NUP214: variants seen among roughly 807,000 people sequenced by gnomAD.
The protein encoded by NUP214 is nucleoporin 214, also known as nuclear pore complex protein Nup214.
A neutral mutation model predicts 196.2 loss-of-function variants in NUP214; 79 were observed. The ratio of observed to expected loss-of-function variants is 0.40; its 90% confidence interval spans 0.34 to 0.49. The LOEUF (loss-of-function observed/expected upper bound fraction) is 0.49, where lower values mean the gene tolerates loss of function less well. NUP214 is among the 20% of genes least tolerant of loss of function. The pLI, the probability that NUP214 is intolerant of heterozygous loss-of-function variation, is 0.58. For synonymous variants in NUP214, 1,020 were observed against 990.5 expected (o/e 1.03, Z -0.56); for missense variants, 2,468 against 2,539.0 (o/e 0.97, Z 0.60).
chr9:131,129,034 A>C (rs528199924), intron 3 of NUP214, among the ~76,000 whole-genome samples: 1 of 152,316 alleles, frequency 6.6e-6, no homozygotes, highest in South Asian at 2.1e-4. Flanking sequence ...TTATTTTGCA[A>C]TTGTGCATTC....
chr9:131,194,168 C>CGTGTGTGTGT (rs555926078), intron 27 of NUP214: 13 of 142,816 alleles, frequency 9.1e-5, no homozygotes, highest in African/African-American at 3.4e-4. Flanking sequence ...TTGAACTTTG[C>CGTGTGTGTGT]GTGTGTGTGT....
intron 34 of NUP214, among the ~76,000 whole-genome samples, chr9:131,231,819 A>G (rs1053195877): frequency 6.6e-6 from 1 of 150,726 alleles, no homozygotes; most frequent in African/African-American, 2.4e-5. Flanking sequence ...AAGTGTTAGC[A>G]GTTAGCAGTA....
At chr9:131,185,429 TAA>T (rs1291590651) in intron 24 of NUP214, among the ~76,000 whole-genome samples, 1 of 152,244 alleles carries the variant, frequency 6.6e-6, no homozygotes, top group Non-Finnish European at 1.5e-5. Flanking sequence ...ACTCACTCAG[TAA>T]AGAGATGTCT....
At chr9:131,233,433 C>T (rs1834931863) in intron 35 of NUP214, 21 bp from the exon 36 acceptor site, 2 of 1,600,200 alleles carry the variant, frequency 1.2e-6, no homozygotes. Context: ...GACTCCACCA[C>T]TGTCCTGTGC....
In NUP214 at chr9:131,198,485, C is replaced by T. The variant is rs768553225; in HGVS notation, c.4991C>T (p.Thr1664Ile). ...GCTTTCAACCAGCTCACCAACAACA[C>T]AGCCACTGCCCCCTCTGCCACGCCC... ...SSAFNQLTNN[T>I]ATAPSATPVF... Residue 1664 changes from threonine to isoleucine, a missense_variant, in exon 29 of 36, where the codon ACA becomes ATA. Physicochemically the swap from Thr to Ile is moderately conservative, Grantham distance 89. Coordinates refer to ENST00000359428, the MANE Select transcript of NUP214 (RefSeq NM_005085.4). 2 of 1,614,264 alleles carry T rather than the reference C, an allele frequency of 1.2e-6. No homozygotes were observed. The highest frequency in any genetic ancestry group is 1.3e-5 in the African/African-American group (1 of 75,076).
chr9:131,126,735 A>T (rs1175894544), intron 1 of NUP214, among the ~76,000 whole-genome samples: 1 of 151,996 alleles, frequency 6.6e-6, no homozygotes, highest in Non-Finnish European at 1.5e-5. Context: ...CATTTGGTAG[A>T]GACTGGGTTT....
At chr9:131,141,164 GT>G (rs1245847079) in intron 11 of NUP214, among the ~76,000 whole-genome samples, 1 of 149,726 alleles carries the variant, frequency 6.7e-6, no homozygotes. Context: ...ACTATTCTTT[GT>G]GATCTTTTCT....
chr9:131,133,016 TCCA>T, intron 6 of NUP214, 87 bp from the exon 7 acceptor site: 1 of 930,328 alleles, frequency 1.1e-6, no homozygotes, highest in Admixed American at 2.1e-5. Flanking sequence ...TTTTTTTTTA[TCCA>T]TAGTGGCTAT....
intron 30 of NUP214, among the ~76,000 whole-genome samples, chr9:131,211,360 A>G (rs1390670593): frequency 1.3e-5 from 2 of 152,216 alleles, no homozygotes; most frequent in Non-Finnish European, 2.9e-5. Flanking sequence ...AAGGCCACAC[A>G]TTGAGATTGC....
intron 2 of NUP214, 114 bp from the exon 3 acceptor site, chr9:131,128,218 G>T: frequency 1.4e-6 from 1 of 714,682 alleles, no homozygotes; most frequent in East Asian, 2.6e-5. Flanking sequence ...TAGGTATTGG[G>T]GTGTATGTGT....
Position 131,133,195 on chromosome 9 carries a change from A to G in NUP214, c.817A>G (p.Met273Val), listed in dbSNP as rs547361282. 3.8e-6 allele frequency: 6 copies of G among 1,578,554 alleles called. No homozygotes were observed. The South Asian group carries it at 5.8e-5, about 15-fold the overall frequency. Reference protein sequence around the residue: ...GTLETSPDVVMALLPKKEEKH... With the variant: ...GTLETSPDVVVALLPKKEEKH... Reference sequence around the variant, plus strand: ...CCTGGAAACGTCTCCAGATGTGGTGATGGCTCTACTACCGGTATGCCTGTG... The same window carrying G: ...CCTGGAAACGTCTCCAGATGTGGTGGTGGCTCTACTACCGGTATGCCTGTG... Residue 273 changes from methionine (M) to valine (V), a missense_variant, in exon 7 of 36, where the codon ATG (methionine) becomes GTG (valine). Met to Val is a conservative substitution (Grantham distance 21, BLOSUM62 1). This residue lies in a region of NUP214 where 392 missense variants were observed against 417.9 expected (regional missense o/e 0.94). Coordinates refer to ENST00000359428, the MANE Select transcript of NUP214 (RefSeq NM_005085.4).
intron 12 of NUP214, 86 bp downstream of exon 12, chr9:131,144,840 G>T: frequency 1.9e-6 from 2 of 1,042,370 alleles, no homozygotes; most frequent in Non-Finnish European, 2.8e-6. Context: ...ACTCTGAGAG[G>T]AGTTAACTGA....
At chr9:131,135,918 G>T in intron 8 of NUP214, 22 bp from the exon 9 acceptor site, 1 of 1,607,812 alleles carries the variant, frequency 6.2e-7, no homozygotes, top group Non-Finnish European at 8.5e-7. Context: ...GAACGTAATG[G>T]TCTCTGGTTT....
chr9:131,225,348 G>A (rs753315530), intron 32 of NUP214, among the ~76,000 whole-genome samples: 69 of 152,218 alleles, frequency 4.5e-4, no homozygotes, highest in Non-Finnish European at 1.9e-4. Flanking sequence ...GAGCCTGGGA[G>A]GCAGAGATTG....
chr9:131,170,377 A>G (rs1175842921), intron 21 of NUP214, among the ~76,000 whole-genome samples: 2 of 152,206 alleles, frequency 1.3e-5, no homozygotes, highest in Admixed American at 1.3e-4. Flanking sequence ...TGAGATTTTG[A>G]TTGGAATTGT....
intron 17 of NUP214, among the ~76,000 whole-genome samples, chr9:131,152,210 C>T (rs147084286): frequency 2.4e-4 from 36 of 152,284 alleles, no homozygotes; most frequent in African/African-American, 8.7e-4. Context: ...ACTTCCTGGG[C>T]TTACGTGATC....
intron 5 of NUP214, among the ~76,000 whole-genome samples, chr9:131,132,115 C>T (rs971014840): frequency 5.5e-5 from 6 of 108,172 alleles, no homozygotes; most frequent in African/African-American, 7.0e-5. Context: ...CTTTTCTTTT[C>T]TTTCTTTTTT....
In NUP214 at chr9:131,132,635, T is replaced by C; in HGVS notation, c.703T>C (p.Tyr235His). The change falls in exon 6 of 36, where the codon TAT (tyrosine) becomes CAT (histidine). Residue 235 changes from tyrosine to histidine, a missense_variant. Coordinates refer to ENST00000359428, the MANE Select transcript of NUP214 (RefSeq NM_005085.4). ...AAAAGTCATTCCTTGTCCTCCGTTT[T>C]ATGAGTCAGATCATCCTGTCAGAGG... ...EKKVIPCPPF[Y>H]ESDHPVRVLD... The C allele has an allele frequency of 6.2e-7, 1 of 1,614,176 alleles. No homozygotes were observed. The highest frequency in any genetic ancestry group is 8.5e-7 in the Non-Finnish European group (1 of 1,180,002).
chr9:131,198,101 C>T lies in NUP214; in HGVS notation c.4607C>T (p.Ser1536Phe). The T allele has an allele frequency of 6.2e-7, 1 of 1,614,206 alleles. No homozygotes were observed. Among genetic ancestry groups the T allele is most frequent in the Non-Finnish European group, 8.5e-7 (1 of 1,180,042 alleles). ...LPQAPPQTSD[S>F]VKKEPVLAQP... Reference sequence around the variant, plus strand: ...CAGGCTCCTCCGCAAACTTCTGACTCTGTTAAAAAAGAACCTGTTCTTGCC... The same window carrying T: ...CAGGCTCCTCCGCAAACTTCTGACTTTGTTAAAAAAGAACCTGTTCTTGCC... Residue 1536 changes from serine to phenylalanine, a missense_variant, in exon 29 of 36, where the codon TCT becomes TTT. Physicochemically the swap from Ser to Phe is radical, Grantham distance 155. Around this residue, in one of 5 missense-constraint regions of NUP214, gnomAD observed 1,801 missense variants for 1,779.4 expected, o/e 1.01. Coordinates refer to ENST00000359428, the MANE Select transcript of NUP214 (RefSeq NM_005085.4).
Sources: gnomAD v4.1 joint callset for allele counts (sites outside exome capture counted in the v4.1 genomes callset) on GRCh38, gnomAD v4.1.1 for gene constraint, gnomAD v4.1.1 regional missense constraint, MANE v1.5 for transcripts, NCBI Gene and HGNC (gene_info 2026-07-23, HGNC 2026-07-21) for gene names.